SNX31: variants seen among roughly 807,000 people sequenced by gnomAD.
The protein encoded by SNX31 is sorting nexin 31, also known as sorting nexin-31.
Under a neutral mutation model 65.4 loss-of-function variants are expected in SNX31, and 58 were observed. The observed-to-expected ratio is 0.89, with a 90% CI of 0.72 to 1.10. The LOEUF (loss-of-function observed/expected upper bound fraction) is 1.10, where lower values mean the gene tolerates loss of function less well. Among genes scored for constraint, SNX31 ranks in the 50% least tolerant of loss-of-function variants. SNX31 has a pLI of 0.00. For synonymous variants in SNX31, 181 were observed against 190.1 expected, an observed-to-expected ratio of 0.95 and a Z score of 0.39; for missense variants, 523 against 529.7, an observed-to-expected ratio of 0.99 and a Z score of 0.12.
Position 100,572,951 on chromosome 8 carries a change from A to G in SNX31, c.*914T>C, listed in dbSNP as rs1812765284. The stretch of plus-strand genomic sequence containing the variant: ...TATACAACCCAGTTAGAACATTAGA[A>G]TATTGTACTTTTTCTAATTACACTA... On this transcript the variant is annotated 3_prime_UTR_variant, in exon 14 of 14. Transcript: ENST00000311812. The G allele has an allele frequency of 6.6e-6, 1 of 152,492 alleles. No individual in the cohort carries two copies. The highest frequency in any genetic ancestry group is 2.1e-4 in the South Asian group (1 of 4,832). 9.4% of individuals were successfully genotyped at this position (152,492 alleles called of 1,614,324 possible).
In SNX31 at chr8:100,626,755, A is replaced by G. The variant is rs1018144074; in HGVS notation, c.321+3572T>C. On this transcript the variant is annotated intron_variant, in intron 4 of 13. Transcript: ENST00000311812. The surrounding 1 kb of genome is among the most constrained non-coding windows in gnomAD (Gnocchi z 4.4). ...ATGAAAGGCAAATAACATATACCAAAAGAATTACATCATTAAGCAGATGAA... is the reference window on the plus strand; with the variant it reads ...ATGAAAGGCAAATAACATATACCAAGAGAATTACATCATTAAGCAGATGAA... Among the ~76,000 whole-genome samples, 4 of 152,212 alleles carry G rather than the reference A, an allele frequency of 2.6e-5. No individual in the cohort carries two copies. The highest frequency in any genetic ancestry group is 9.7e-5 in the African/African-American group (4 of 41,448).
Position 100,660,849 on chromosome 8 carries a change from G to A in SNX31, c.-58+2293C>T, listed in dbSNP as rs928941749. ...GCTTTGAGAGGTTCTACTCAGTATC[G>A]GGTTCTGCTGGCAGACCAAGCCCTG... On this transcript the variant is annotated intron_variant, in intron 1 of 5. Transcript: ENST00000520352. This position sits in a 1 kb window ranked among gnomAD's most constrained non-coding sequence, Gnocchi z 4.1. Among the ~76,000 whole-genome samples the A allele has an allele frequency of 2.6e-5, 4 of 152,118 alleles. No individual in the cohort carries two copies. Among genetic ancestry groups the A allele is most frequent in the Admixed American group, 6.5e-5 (1 of 15,276 alleles).
chr8:100,646,353 CA>C (rs1819639411), intron 2 of SNX31, among the ~76,000 whole-genome samples: 1 of 152,260 alleles, frequency 6.6e-6, no homozygotes, highest in South Asian at 2.1e-4. Context: ...ACCCGGCAAG[CA>C]AAAGTGGTCT....
Position 100,641,613 on chromosome 8 carries a change from C to CTCACAT in SNX31, c.142-5603_142-5602insATGTGA, listed in dbSNP as rs1334264136. 8.6e-4 allele frequency among the ~76,000 whole-genome samples: 59 copies of CTCACAT among 68,680 alleles called. 1 individual carries two copies. The highest frequency in any genetic ancestry group is 1.2e-3 in the Non-Finnish European group (46 of 37,420). 45.1% of individuals were successfully genotyped at this position (68,680 alleles called of 152,430 possible). On this transcript the variant is annotated intron_variant, in intron 2 of 13. Transcript: ENST00000311812. ...ATATATATACACATACACACACACA[C>CTCACAT]GCACACACGCGCATATATATATATA...
upstream of SNX31, among the ~76,000 whole-genome samples, chr8:100,650,669 C>A (rs1407895770): frequency 1.3e-5 from 2 of 152,050 alleles, no homozygotes; most frequent in African/African-American, 4.8e-5. Flanking sequence ...TCACAAACAC[C>A]TGTGGGCTAG....
In SNX31 at chr8:100,629,688, A is replaced by G. The variant is rs1309041428; in HGVS notation, c.321+639T>C. Among the ~76,000 whole-genome samples, 1 of 152,248 alleles carries G rather than the reference A, an allele frequency of 6.6e-6. No homozygotes were observed. Among genetic ancestry groups the G allele is most frequent in the East Asian group, 1.9e-4 (1 of 5,202 alleles). ...AGAGCTTTTCCAGCCAAGCTCATAC[A>G]TACAGGCATAACAATGTTTCCTTAT... is the stretch of plus-strand genomic sequence containing the variant. On this transcript the variant is annotated intron_variant, in intron 4 of 13. Transcript: ENST00000311812. This position sits in a 1 kb window ranked among gnomAD's most constrained non-coding sequence, Gnocchi z 5.1.
At chr8:100,579,520 T>C (rs1813316420) in intron 12 of SNX31, among the ~76,000 whole-genome samples, 1 of 152,208 alleles carries the variant, frequency 6.6e-6, no homozygotes. Flanking sequence ...CCATACACAG[T>C]TTTTCCATTT....
At position 100,600,452 on chromosome 8, in the gene SNX31, C is replaced by A; in HGVS notation, c.682-11G>T. The A allele has an allele frequency of 6.2e-7, 1 of 1,603,644 alleles. No individual in the cohort carries two copies. The highest frequency in any genetic ancestry group is 8.5e-7 in the Non-Finnish European group (1 of 1,175,090). On this transcript the variant is annotated splice_polypyrimidine_tract_variant and intron_variant, in intron 8 of 13. Transcript: ENST00000311812. Reference sequence around the variant, plus strand: ...AATGTCCTGTATTGCCTTAAAATAACATAAGTTGTAAAATTAGCAGTCTTA... The same window carrying A: ...AATGTCCTGTATTGCCTTAAAATAAAATAAGTTGTAAAATTAGCAGTCTTA...
At chr8:100,621,382 C>A (rs1817681402) in intron 4 of SNX31, among the ~76,000 whole-genome samples, 1 of 152,232 alleles carries the variant, frequency 6.6e-6, no homozygotes, top group Admixed American at 6.5e-5. Context: ...ATGTGTTAAG[C>A]TGCCTCTCTC....
chr8:100,615,864 G>A (rs1434439134), intron 5 of SNX31, among the ~76,000 whole-genome samples: 1 of 152,278 alleles, frequency 6.6e-6, no homozygotes, highest in South Asian at 2.1e-4. Flanking sequence ...CCGCCTCCCG[G>A]GTTCACGCCA....
rs1375883735 is a variant in SNX31 at position 100,625,810 on chromosome 8, C to T, written c.321+4517G>A. ...TCTGAGAGCGCTACTCCGGGCCCCA[C>T]TGGACACCACCTAGTGGCAGGGGAT... On this transcript the variant is annotated intron_variant, in intron 4 of 13. Coordinates refer to ENST00000311812, the MANE Select transcript of SNX31 (RefSeq NM_152628.4). This position sits in a 1 kb window ranked among gnomAD's most constrained non-coding sequence, Gnocchi z 4.2. 6.6e-6 allele frequency among the ~76,000 whole-genome samples: 1 copy of T among 152,216 alleles called. No homozygotes were observed. Among genetic ancestry groups the T allele is most frequent in the Admixed American group, 6.5e-5 (1 of 15,284 alleles).
Position 100,649,178 on chromosome 8 carries a change from A to G in SNX31, c.141+96T>C, listed in dbSNP as rs527961473. The G allele has an allele frequency of 4.3e-5, 53 of 1,226,924 alleles. No individual in the cohort carries two copies. In the Admixed American group the frequency reaches 4.3e-4, roughly 10 times the overall value. 76.0% of individuals were successfully genotyped at this position (1,226,924 alleles called of 1,614,324 possible). A position where few individuals can be genotyped will look rare whatever the true frequency, so the allele number is the denominator to read the frequency against. ...GGAAGCCCGAGGCCGTGAAAGGCCC[A>G]GTGTCTTGCCAGAGTCAGAGGAACA... is the stretch of plus-strand genomic sequence containing the variant. On this transcript the variant is annotated intron_variant, in intron 2 of 13. Coordinates refer to ENST00000311812, the MANE Select transcript of SNX31 (RefSeq NM_152628.4).
At chr8:100,615,976 G>A (rs573560980) in intron 5 of SNX31, among the ~76,000 whole-genome samples, 19 of 152,112 alleles carry the variant, frequency 1.2e-4, no homozygotes, top group African/African-American at 3.6e-4. Context: ...TGGTCTCACT[G>A]TGTTAGCCAG....
intron 2 of SNX31, among the ~76,000 whole-genome samples, chr8:100,637,735 G>A (rs112067293): frequency 3.3e-5 from 5 of 151,922 alleles, no homozygotes; most frequent in African/African-American, 4.8e-5. Context: ...TCGCTCTGTC[G>A]CCCAGGCTGG....
intron 9 of SNX31, 140 bp downstream of exon 9, chr8:100,600,209 A>C (rs1278754501): frequency 1.0e-5 from 7 of 671,554 alleles, no homozygotes; most frequent in Middle Eastern, 3.1e-4. Context: ...CAGAACAATC[A>C]ATGAAGATAT....
rs375087488 is a variant in SNX31, at chr8:100,621,573, G to A, written c.322-3843C>T. Among the ~76,000 whole-genome samples, 24 of 152,116 alleles carry A rather than the reference G, an allele frequency of 1.6e-4. No homozygotes were observed. In the East Asian group the frequency reaches 2.1e-3, roughly 13 times the overall value. ...TCTTACCACCAGCACCTTAGACCCAGCTAACATCCCCTCTGCCCTAGACTC... is the reference window on the plus strand; with the variant it reads ...TCTTACCACCAGCACCTTAGACCCAACTAACATCCCCTCTGCCCTAGACTC... On this transcript the variant is annotated intron_variant, in intron 4 of 13. Coordinates refer to ENST00000311812, the MANE Select transcript of SNX31 (RefSeq NM_152628.4).
intron 9 of SNX31, 132 bp downstream of exon 9, chr8:100,600,217 T>C: frequency 1.5e-6 from 1 of 687,632 alleles, no homozygotes; most frequent in East Asian, 2.8e-5. Flanking sequence ...TCAATGAAGA[T>C]ATTCTTATTT....
chr8:100,620,222 G>A (rs1817586783), intron 4 of SNX31, among the ~76,000 whole-genome samples: 1 of 152,094 alleles, frequency 6.6e-6, no homozygotes, highest in African/African-American at 2.4e-5. Flanking sequence ...CACAAAGTTG[G>A]GGCTCAGGTC....
In SNX31 at chr8:100,573,796, C is replaced by T. The variant is rs1402925511; in HGVS notation, c.*69G>A. ...CCTCCACTGATGGTAGGTAGCCCACCTGAATCCCCAAGTTCTTTCACTGTC... is the reference window on the plus strand; with the variant it reads ...CCTCCACTGATGGTAGGTAGCCCACTTGAATCCCCAAGTTCTTTCACTGTC... On this transcript the variant is annotated 3_prime_UTR_variant, in exon 14 of 14. Transcript: ENST00000311812. The T allele has an allele frequency of 9.7e-6, 11 of 1,133,194 alleles. No individual in the cohort carries two copies. Among genetic ancestry groups the T allele is most frequent in the Non-Finnish European group, 1.4e-5 (11 of 800,192 alleles). The allele number at this position is 1,133,194 out of a possible 1,614,324, so 70.2% of individuals were successfully genotyped here.
Sources: allele counts gnomAD v4.1 joint callset (sites outside exome capture counted in the v4.1 genomes callset), GRCh38; gene constraint gnomAD v4.1.1; non-coding constraint Gnocchi (gnomAD v3.1); transcripts MANE v1.5; gene names NCBI Gene and HGNC (gene_info 2026-07-23, HGNC 2026-07-21).